The following ANK3 variants were observed in gnomAD, a reference collection of about 807,000 sequenced individuals.
The protein encoded by ANK3 is ankyrin 3.
In ANK3, 57 loss-of-function variants were observed where a neutral mutation model predicts 370.9. That is an observed-to-expected ratio of 0.15 (90% CI 0.12 to 0.19). The LOEUF (loss-of-function observed/expected upper bound fraction) is 0.19, where lower values mean the gene tolerates loss of function less well. Ranked by LOEUF, ANK3 falls within the 10% of genes least tolerant of loss-of-function variation. The pLI is 1.00. For synonymous variants in ANK3, 1,929 were observed against 1,946.3 expected (o/e 0.99, Z 0.23); for missense variants, 4,439 against 5,302.1 (o/e 0.84, Z 5.06).
intron 1 of ANK3, among the ~76,000 whole-genome samples, chr10:60,671,043 G>A (rs915572699): frequency 2.6e-5 from 4 of 152,108 alleles, no homozygotes; most frequent in South Asian, 2.1e-4. Flanking sequence ...AACCTGGGTC[G>A]GAAATTACCC....
chr10:60,183,944 T>C (rs753616133), intron 17 of ANK3, among the ~76,000 whole-genome samples: 1 of 151,924 alleles, frequency 6.6e-6, no homozygotes, highest in Non-Finnish European at 1.5e-5. Context: ...CTTTCAGTTG[T>C]ATAAAAAATA....
chr10:60,134,193 G>T, intron 25 of ANK3, 78 bp downstream of exon 25: 5 of 1,157,142 alleles, frequency 4.3e-6, no homozygotes, highest in Non-Finnish European at 6.2e-6. Context: ...TATATTTTTT[G>T]TCACAAGACA....
intron 1 of ANK3, among the ~76,000 whole-genome samples, chr10:60,306,478 G>A (rs1345417862): frequency 6.7e-6 from 1 of 149,858 alleles, no homozygotes; most frequent in Non-Finnish European, 1.5e-5. Context: ...CTTGTTGGCC[G>A]ATGGACATTT....
At chr10:60,161,318 G>A (rs1006585934) in intron 23 of ANK3, among the ~76,000 whole-genome samples, 1 of 152,076 alleles carries the variant, frequency 6.6e-6, no homozygotes, top group Non-Finnish European at 1.5e-5. Flanking sequence ...ATAGAGAAGA[G>A]TATGGAGGTT....
chr10:60,348,537 A>G (rs1172777800), intron 1 of ANK3, among the ~76,000 whole-genome samples: 1 of 152,102 alleles, frequency 6.6e-6, no homozygotes, highest in African/African-American at 2.4e-5. Context: ...ACTCAAAACA[A>G]GTAATTTAAC....
chr10:60,064,872 A>G (rs1483745297), intron 38 of ANK3, among the ~76,000 whole-genome samples: 1 of 152,166 alleles, frequency 6.6e-6, no homozygotes, highest in Non-Finnish European at 1.5e-5. Flanking sequence ...AAAAAATAAA[A>G]CAAGATTTTT....
chr10:60,056,330 G>A (rs530372853), intron 41 of ANK3, among the ~76,000 whole-genome samples: 2 of 152,238 alleles, frequency 1.3e-5, no homozygotes, highest in Non-Finnish European at 2.9e-5. Flanking sequence ...TTAGCCAGGC[G>A]TGATGGCACG....
chr10:60,506,456 TATG>T, intron 2 of ANK3, among the ~76,000 whole-genome samples: 1 of 152,238 alleles, frequency 6.6e-6, no homozygotes. Flanking sequence ...AAAAATGTGT[TATG>T]ATGTGAACCA....
chr10:60,451,434 G>A (rs1379070136), intron 2 of ANK3, among the ~76,000 whole-genome samples: 1 of 152,194 alleles, frequency 6.6e-6, no homozygotes, highest in Non-Finnish European at 1.5e-5. Flanking sequence ...GCCAGAGCTG[G>A]AACTCAAGTC....
intron 25 of ANK3, among the ~76,000 whole-genome samples, chr10:60,132,647 C>T (rs1012531777): frequency 4.0e-5 from 6 of 149,414 alleles, no homozygotes; most frequent in African/African-American, 7.4e-5. Context: ...GACAGAGTCT[C>T]GCTCTGTTGC....
At chr10:60,256,959 A>G (rs548953991) in intron 7 of ANK3, among the ~76,000 whole-genome samples, 3 of 152,324 alleles carry the variant, frequency 2.0e-5, no homozygotes, top group African/African-American at 7.2e-5. Flanking sequence ...TTGGCAAGAC[A>G]ATTTATTTTC....
chr10:60,321,409 A>G (rs56253933), intron 1 of ANK3, among the ~76,000 whole-genome samples: 91,590 of 133,444 alleles, frequency 0.69, 29,649 homozygotes, highest in South Asian at 0.78. Context: ...GAAGAAAAGA[A>G]AAGAAAAGAA....
intron 1 of ANK3, among the ~76,000 whole-genome samples, chr10:60,285,050 C>G (rs1593053521): frequency 6.6e-6 from 1 of 152,054 alleles, no homozygotes; most frequent in African/African-American, 2.4e-5. Flanking sequence ...TGATGATCGC[C>G]TCTATTTCCC....
intron 28 of ANK3, 75 bp from the exon 29 acceptor site, chr10:60,088,433 CTTTT>C: frequency 7.5e-7 from 1 of 1,324,664 alleles, no homozygotes; most frequent in Non-Finnish European, 1.1e-6. Flanking sequence ...AATGATATAT[CTTTT>C]TTTTTGAGAT....
intron 17 of ANK3, among the ~76,000 whole-genome samples, chr10:60,186,444 G>A (rs2096335051): frequency 1.3e-5 from 2 of 150,804 alleles, no homozygotes; most frequent in Non-Finnish European, 2.9e-5. Context: ...TCCATCTTCT[G>A]GGCTCGAGCA....
rs751804173 is a variant in ANK3 at position 60,070,032 on chromosome 10, T to C, written c.10849A>G (p.Ile3617Val). Residue 3617 changes from isoleucine (I) to valine (V), a missense_variant, in exon 37 of 44, where the codon ATT becomes GTT. Transcript: ENST00000280772. The surrounding 1 kb of genome is among the most constrained non-coding windows in gnomAD (Gnocchi z 5.7). Reference protein sequence around the residue: ...KMFEMTRSGAIDMSKRDFVEE... With the variant: ...KMFEMTRSGAVDMSKRDFVEE... Reference sequence around the variant, plus strand: ...ACAAAATCCCTCTTGCTCATGTCAATTGCACCACTGCGAGTCATCTCAAAC... The same window carrying C: ...ACAAAATCCCTCTTGCTCATGTCAACTGCACCACTGCGAGTCATCTCAAAC... 2.5e-6 allele frequency: 4 copies of C among 1,614,134 alleles called. No homozygotes were observed. The highest frequency in any genetic ancestry group is 3.4e-6 in the Non-Finnish European group (4 of 1,180,002).
At chr10:60,641,579 T>A (rs921010775) in intron 1 of ANK3, among the ~76,000 whole-genome samples, 7 of 151,774 alleles carry the variant, frequency 4.6e-5, no homozygotes, top group Non-Finnish European at 8.8e-5. Flanking sequence ...GCTAGCCATA[T>A]GGAGAAAGCT....
chr10:60,286,787 C>T (rs1461804266), intron 1 of ANK3, among the ~76,000 whole-genome samples: 1 of 152,130 alleles, frequency 6.6e-6, no homozygotes, highest in Admixed American at 6.6e-5. Context: ...TTGTCATATT[C>T]CAAAGAGAAA....
At chr10:60,491,788 A>T (rs938136825) in intron 2 of ANK3, among the ~76,000 whole-genome samples, 13 of 152,148 alleles carry the variant, frequency 8.5e-5, no homozygotes, top group Non-Finnish European at 4.4e-5. Flanking sequence ...TCTCAGTTTT[A>T]CTCCTTGGTA....
Sources: gnomAD v4.1 joint callset for allele counts (sites outside exome capture counted in the v4.1 genomes callset) on GRCh38, gnomAD v4.1.1 for gene constraint, Gnocchi (gnomAD v3.1) non-coding constraint, MANE v1.5 for transcripts, NCBI Gene and HGNC (gene_info 2026-07-23, HGNC 2026-07-21) for gene names.